Variants in SPPL3 observed in about 807,000 individuals in gnomAD.
SPPL3 encodes signal peptide peptidase-like 3.
Under a neutral mutation model 42.4 loss-of-function variants are expected in SPPL3, and 5 were observed. The ratio of observed to expected loss-of-function variants is 0.12; its 90% CI spans 0.06 to 0.25. The LOEUF is 0.25. Ranked by LOEUF, SPPL3 falls within the 10% of genes least tolerant of loss-of-function variation. SPPL3 has a pLI of 1.00. For synonymous variants in SPPL3, 195 were observed against 181.8 expected (o/e 1.07, Z -0.58); for missense variants, 235 against 489.0 (o/e 0.48, Z 4.90).
At chr12:120,870,214 G>A (rs941095555) in intron 1 of SPPL3, among the ~76,000 whole-genome samples, 2 of 152,216 alleles carry the variant, frequency 1.3e-5, no homozygotes, top group African/African-American at 2.4e-5. Flanking sequence ...GGGAGGCTGA[G>A]GCGGGTGGAT....
chr12:120,798,650 CAT>C (rs1870189263), intron 2 of SPPL3, among the ~76,000 whole-genome samples: 1 of 152,170 alleles, frequency 6.6e-6, no homozygotes, highest in African/African-American at 2.4e-5. Flanking sequence ...TTTGGAAACA[CAT>C]ATATTAATTT....
chr12:120,898,144 T>C (rs1054766613), intron 1 of SPPL3, among the ~76,000 whole-genome samples: 4 of 151,224 alleles, frequency 2.6e-5, no homozygotes, highest in African/African-American at 7.3e-5. Context: ...AAACCTCATG[T>C]CTACAAAAAA....
chr12:120,889,404 T>C (rs1045572997), intron 1 of SPPL3, among the ~76,000 whole-genome samples: 1 of 152,222 alleles, frequency 6.6e-6, no homozygotes, highest in African/African-American at 2.4e-5. Context: ...CTCCTTGACT[T>C]TGGCTTCAAC....
Position 120,801,930 on chromosome 12 carries a change from C to T in SPPL3, c.101+8879G>A, listed in dbSNP as rs369185943. Among the ~76,000 whole-genome samples, 3 of 152,096 alleles carry T rather than the reference C, an allele frequency of 2.0e-5. No homozygotes were observed. The South Asian group carries it at 6.2e-4, about 32-fold the overall frequency. ...TTGGTGTTTTGGTCACTTTGATGTA[C>T]ATTTCACATGAAGTTTATTACAGAC... is the stretch of plus-strand genomic sequence containing the variant. On this transcript the variant is annotated intron_variant, in intron 2 of 10. Coordinates refer to ENST00000353487, the MANE Select transcript of SPPL3 (RefSeq NM_139015.5).
intron 1 of SPPL3, among the ~76,000 whole-genome samples, chr12:120,876,496 A>G: frequency 6.6e-6 from 1 of 151,254 alleles, no homozygotes; most frequent in South Asian, 2.1e-4. Context: ...GGGCACCTGT[A>G]GTCCCAGCTA....
intron 1 of SPPL3, among the ~76,000 whole-genome samples, chr12:120,878,916 C>T (rs1873194220): frequency 6.6e-6 from 1 of 151,718 alleles, no homozygotes; most frequent in African/African-American, 2.4e-5. Flanking sequence ...GAGTTTAAGA[C>T]TAGCTCGACC....
intron 1 of SPPL3, among the ~76,000 whole-genome samples, chr12:120,837,342 G>A (rs1871654694): frequency 6.6e-6 from 1 of 152,152 alleles, no homozygotes; most frequent in Non-Finnish European, 1.5e-5. Flanking sequence ...TGTCAAAGAG[G>A]TACTTTCCTC....
intron 1 of SPPL3, among the ~76,000 whole-genome samples, chr12:120,852,097 G>A (rs2137034478): frequency 9.7e-5 from 1 of 10,322 alleles, no homozygotes. Context: ...AATACTCTGT[G>A]ATACCCACGA....
intron 6 of SPPL3, among the ~76,000 whole-genome samples, chr12:120,770,319 G>A (rs983122992): frequency 3.9e-5 from 6 of 152,192 alleles, no homozygotes; most frequent in African/African-American, 1.2e-4. Flanking sequence ...GAGCCACCAT[G>A]CCCAGCCTAA....
intron 1 of SPPL3, among the ~76,000 whole-genome samples, chr12:120,851,280 C>T (rs922269705): frequency 6.6e-6 from 1 of 152,178 alleles, no homozygotes; most frequent in Non-Finnish European, 1.5e-5. Context: ...TTCTCCTCCA[C>T]CAGGCTGCCT....
intron 1 of SPPL3, among the ~76,000 whole-genome samples, chr12:120,817,827 C>T (rs1407518828): frequency 3.3e-5 from 5 of 152,164 alleles, no homozygotes; most frequent in African/African-American, 1.2e-4. Context: ...AAGGGCCCCT[C>T]CTGTATCATC....
chr12:120,846,852 G>C (rs1872056975), intron 1 of SPPL3, among the ~76,000 whole-genome samples: 1 of 152,182 alleles, frequency 6.6e-6, no homozygotes, highest in East Asian at 1.9e-4. Flanking sequence ...GCCAGATAGA[G>C]GGCAGGAAGA....
At chr12:120,786,533 G>A (rs796297068) in intron 3 of SPPL3, among the ~76,000 whole-genome samples, 10 of 152,310 alleles carry the variant, frequency 6.6e-5, no homozygotes, top group African/African-American at 2.4e-4. Context: ...CTGTAGTGGT[G>A]AGGTATATAA....
intron 1 of SPPL3, among the ~76,000 whole-genome samples, chr12:120,814,612 G>T (rs1278872490): frequency 6.6e-6 from 1 of 151,988 alleles, no homozygotes; most frequent in Admixed American, 6.6e-5. Context: ...AAAAAATTAT[G>T]ACTAGGTTAT....
intron 1 of SPPL3, among the ~76,000 whole-genome samples, chr12:120,860,869 A>G (rs1046234392): frequency 6.6e-6 from 1 of 152,158 alleles, no homozygotes; most frequent in Non-Finnish European, 1.5e-5. Context: ...GTTCCAGGAC[A>G]ACCCCCTACT....
chr12:120,846,553 G>A (rs1592992924), intron 1 of SPPL3, among the ~76,000 whole-genome samples: 1 of 152,168 alleles, frequency 6.6e-6, no homozygotes, highest in Non-Finnish European at 1.5e-5. Flanking sequence ...GCTATGGAGA[G>A]TAAAACAGTA....
chr12:120,791,473 A>G lies in SPPL3; in HGVS notation c.186T>C (p.Asn62=), dbSNP rs756354438. ...AATTGACATAAAATATCTTACTATT[A>G]TTGGTGCTGTTGCCATTGAAAGACC... The part of the protein sequence containing the change: ...SSGSFNGNST[N]NSIQTIDSTQ... Residue 62 remains asparagine, a synonymous_variant, in exon 3 of 11, where the codon AAT becomes AAC. Transcript: ENST00000353487. 5.0e-6 allele frequency: 8 copies of G among 1,591,956 alleles called. No individual in the cohort carries two copies. Among genetic ancestry groups the G allele is most frequent in the Non-Finnish European group, 6.8e-6 (8 of 1,171,072 alleles).
At chr12:120,885,288 C>A (rs1442152382) in intron 1 of SPPL3, among the ~76,000 whole-genome samples, 2 of 152,180 alleles carry the variant, frequency 1.3e-5, no homozygotes, top group Non-Finnish European at 2.9e-5. Context: ...GATAGTACCA[C>A]TTACGGTGTT....
At chr12:120,892,049 AT>A (rs1189934317) in intron 1 of SPPL3, among the ~76,000 whole-genome samples, 2 of 152,274 alleles carry the variant, frequency 1.3e-5, no homozygotes, top group South Asian at 2.1e-4. Flanking sequence ...AACAGTAACC[AT>A]TTTATTTCTG....
Sources: allele counts gnomAD v4.1 joint callset (sites outside exome capture counted in the v4.1 genomes callset), GRCh38; gene constraint gnomAD v4.1.1; transcripts MANE v1.5; gene names NCBI Gene and HGNC (gene_info 2026-07-23, HGNC 2026-07-21).